The following LRP1B variants were observed in gnomAD, a reference collection of about 807,000 sequenced individuals.
LRP1B encodes LDL receptor related protein 1B, also known as low-density lipoprotein receptor-related protein 1B.
In LRP1B, 217 loss-of-function variants were observed where a neutral mutation model predicts 556.6. That is an observed-to-expected ratio of 0.39 (90% CI 0.35 to 0.44). LRP1B has a LOEUF of 0.44. LRP1B is among the 20% of genes least tolerant of loss of function. The pLI is 1.00. For synonymous variants in LRP1B, 2,047 were observed against 1,865.8 expected (o/e 1.10, Z -2.50); for missense variants, 5,053 against 5,620.8 (o/e 0.90, Z 3.23).
intron 6 of LRP1B, among the ~76,000 whole-genome samples, chr2:141,209,459 T>TA (rs1213405258): frequency 1.3e-5 from 2 of 152,200 alleles, no homozygotes; most frequent in African/African-American, 4.8e-5. Context: ...CTCTTTCCTT[T>TA]ATAAATTACC....
At chr2:140,507,836 C>T (rs115345868) in intron 52 of LRP1B, among the ~76,000 whole-genome samples, 35 of 152,218 alleles carry the variant, frequency 2.3e-4, no homozygotes, top group Middle Eastern at 3.4e-3. Flanking sequence ...CAGAAAGTGG[C>T]TGTGGCACTT....
intron 57 of LRP1B, among the ~76,000 whole-genome samples, chr2:140,489,893 A>G (rs1688628642): frequency 2.0e-5 from 3 of 152,120 alleles, no homozygotes; most frequent in African/African-American, 7.2e-5. Flanking sequence ...TAGTAAGTCA[A>G]CTATAATAAA....
intron 2 of LRP1B, among the ~76,000 whole-genome samples, chr2:141,523,597 C>A (rs1184947978): frequency 6.6e-6 from 1 of 151,970 alleles, no homozygotes; most frequent in African/African-American, 2.4e-5. Context: ...AGATAAAAAC[C>A]AAGAGGTCAC....
intron 1 of LRP1B, among the ~76,000 whole-genome samples, chr2:141,884,048 C>G (rs1025621502): frequency 6.6e-6 from 1 of 151,998 alleles, no homozygotes; most frequent in South Asian, 2.1e-4. Flanking sequence ...TTTGTAATAC[C>G]AGGAACCCTA....
chr2:141,784,709 G>A (rs1417193880), intron 2 of LRP1B, among the ~76,000 whole-genome samples: 5 of 151,796 alleles, frequency 3.3e-5, no homozygotes, highest in Non-Finnish European at 7.4e-5. Flanking sequence ...GAAGACATGT[G>A]CATTATATAA....
chr2:140,534,926 C>G (rs968680676), intron 46 of LRP1B, among the ~76,000 whole-genome samples: 35 of 152,228 alleles, frequency 2.3e-4, no homozygotes, highest in African/African-American at 8.4e-4. Flanking sequence ...GGTTTGCAAA[C>G]TAGGCTAATT....
intron 2 of LRP1B, among the ~76,000 whole-genome samples, chr2:141,521,411 C>T (rs1402075777): frequency 6.6e-6 from 1 of 151,910 alleles, no homozygotes; most frequent in Non-Finnish European, 1.5e-5. Flanking sequence ...TCCTTTCCTT[C>T]CTTCTTTCTT....
intron 3 of LRP1B, among the ~76,000 whole-genome samples, chr2:141,411,124 A>G (rs1690835422): frequency 6.6e-6 from 1 of 152,110 alleles, no homozygotes; most frequent in African/African-American, 2.4e-5. Context: ...TTAGATAAGG[A>G]AACAGAAGAT....
intron 87 of LRP1B, among the ~76,000 whole-genome samples, chr2:140,245,893 T>A (rs1206044601): frequency 6.6e-6 from 1 of 151,322 alleles, no homozygotes; most frequent in East Asian, 2.0e-4. Flanking sequence ...ACACAAATTC[T>A]AAGATCAACT....
intron 2 of LRP1B, among the ~76,000 whole-genome samples, chr2:141,547,275 A>G (rs1018917288): frequency 6.6e-6 from 1 of 152,178 alleles, no homozygotes; most frequent in Non-Finnish European, 1.5e-5. Context: ...TCAGATCAAT[A>G]TCATCCTTAC....
intron 2 of LRP1B, among the ~76,000 whole-genome samples, chr2:141,690,787 C>T (rs1282189641): frequency 6.6e-6 from 1 of 151,534 alleles, no homozygotes; most frequent in Non-Finnish European, 1.5e-5. Flanking sequence ...ATACACCCTT[C>T]CTGGCAGTTT....
At chr2:141,939,158 A>G (rs1341585032) in intron 1 of LRP1B, among the ~76,000 whole-genome samples, 1 of 151,506 alleles carries the variant, frequency 6.6e-6, no homozygotes, top group Non-Finnish European at 1.5e-5. Flanking sequence ...AAAAAAAACT[A>G]TGTGAGGAGA....
intron 3 of LRP1B, among the ~76,000 whole-genome samples, chr2:141,300,709 C>T (rs949907724): frequency 6.6e-6 from 1 of 152,132 alleles, no homozygotes; most frequent in Non-Finnish European, 1.5e-5. Flanking sequence ...CTGTGTAGGA[C>T]GTGCATGCTT....
chr2:140,650,367 G>T (rs184876854), intron 41 of LRP1B, among the ~76,000 whole-genome samples: 1 of 147,172 alleles, frequency 6.8e-6, no homozygotes, highest in Non-Finnish European at 1.5e-5. Context: ...ATTTATTTTT[G>T]AGAAGGAGTC....
At chr2:140,322,730 G>A (rs1680214769) in intron 81 of LRP1B, among the ~76,000 whole-genome samples, 1 of 151,974 alleles carries the variant, frequency 6.6e-6, no homozygotes, top group Admixed American at 6.6e-5. Flanking sequence ...AGTCATAGCT[G>A]ATTTTTGACC....
At chr2:140,799,546 C>A (rs1369681601) in intron 32 of LRP1B, among the ~76,000 whole-genome samples, 1 of 152,184 alleles carries the variant, frequency 6.6e-6, no homozygotes, top group Non-Finnish European at 1.5e-5. Context: ...TTAATTCCTG[C>A]ATAATATTTC....
intron 7 of LRP1B, among the ~76,000 whole-genome samples, chr2:141,104,764 G>A (rs1166236422): frequency 6.6e-6 from 1 of 152,122 alleles, no homozygotes; most frequent in South Asian, 2.1e-4. Context: ...CCTTCTGAAT[G>A]AGAATGGTAC....
chr2:141,997,258 T>C (rs1702518590), intron 1 of LRP1B, among the ~76,000 whole-genome samples: 1 of 152,042 alleles, frequency 6.6e-6, no homozygotes, highest in Admixed American at 6.6e-5. Flanking sequence ...TTGATATTTG[T>C]GTTACGTTTC....
chr2:140,595,895 CT>C (rs1218690923), intron 43 of LRP1B, among the ~76,000 whole-genome samples: 1 of 152,110 alleles, frequency 6.6e-6, no homozygotes, highest in Non-Finnish European at 1.5e-5. Context: ...AAACTTCCAA[CT>C]TTCATTCTAG....
Sources: allele counts gnomAD v4.1 joint callset (sites outside exome capture counted in the v4.1 genomes callset), GRCh38; gene constraint gnomAD v4.1.1; transcripts MANE v1.5; gene names NCBI Gene and HGNC (gene_info 2026-07-23, HGNC 2026-07-21).